The following USH2A variants were observed in gnomAD, a reference collection of about 807,000 sequenced individuals.
The protein encoded by USH2A is Usher syndrome 2A (autosomal recessive, mild).
USH2A carries 443 observed loss-of-function variants against 538.9 expected under a neutral mutation model. That is an observed-to-expected ratio of 0.82 (90% CI 0.76 to 0.89). USH2A has a LOEUF of 0.89. Ranked by LOEUF, USH2A falls within the 40% of genes least tolerant of loss-of-function variation. The pLI is 0.00. For synonymous variants in USH2A, 2,413 were observed against 2,273.5 expected, an observed-to-expected ratio of 1.06 and a Z score of -1.75; for missense variants, 6,633 against 6,324.8, an observed-to-expected ratio of 1.05 and a Z score of -1.65.
chr1:215,825,106 C>T (rs970053338), intron 47 of USH2A, among the ~76,000 whole-genome samples: 6 of 152,140 alleles, frequency 3.9e-5, no homozygotes, highest in Non-Finnish European at 7.4e-5. Context: ...AGTGTTCAGA[C>T]ATTCTAGTTG....
intron 37 of USH2A, among the ~76,000 whole-genome samples, chr1:215,936,295 A>G (rs753191231): frequency 6.6e-6 from 1 of 152,070 alleles, no homozygotes; most frequent in Non-Finnish European, 1.5e-5. Context: ...CTTGCATCGT[A>G]TAGTATACAA....
At chr1:215,811,863 C>T (rs373813374) in intron 49 of USH2A, among the ~76,000 whole-genome samples, 206 of 151,162 alleles carry the variant, frequency 1.4e-3, no homozygotes, top group African/African-American at 4.1e-3. Context: ...CCGGAGATCA[C>T]GCCATTGCAC....
At position 215,976,110 on chromosome 1, in the gene USH2A, A is replaced by G. The variant is rs529556249; in HGVS notation, c.6806-5334T>C. Among the ~76,000 whole-genome samples the G allele has an allele frequency of 7.9e-5, 12 of 152,238 alleles. No individual in the cohort carries two copies. The South Asian group carries it at 2.5e-3, about 32-fold the overall frequency. ...AGATTGCATTCTTGATTTGGCTCTC[A>G]GTTTGAACATTATTGGTGTATAGAA... On this transcript the variant is annotated intron_variant, in intron 35 of 71. Coordinates refer to ENST00000307340, the MANE Select transcript of USH2A (RefSeq NM_206933.4).
chr1:215,781,874 C>T (rs1571681062), intron 54 of USH2A, among the ~76,000 whole-genome samples, 168 bp downstream of exon 54: 1 of 152,258 alleles, frequency 6.6e-6, no homozygotes, highest in East Asian at 1.9e-4. Flanking sequence ...TCTCTCCTTC[C>T]AGCCATAGGT....
At chr1:215,661,825 A>T (rs1047883212) in intron 64 of USH2A, among the ~76,000 whole-genome samples, 12 of 152,194 alleles carry the variant, frequency 7.9e-5, no homozygotes, top group Admixed American at 7.2e-4. Context: ...GTAGAATAAG[A>T]GTGGCCTTTA....
intron 60 of USH2A, among the ~76,000 whole-genome samples, chr1:215,740,395 C>T (rs1226430672): frequency 6.6e-6 from 1 of 152,108 alleles, no homozygotes; most frequent in Non-Finnish European, 1.5e-5. Context: ...CTTTGTCTCT[C>T]TTTTTCCTCA....
chr1:216,363,944 A>T lies in USH2A; in HGVS notation c.784+1009T>A, dbSNP rs142261415. Among the ~76,000 whole-genome samples the T allele has an allele frequency of 3.6e-3, 550 of 151,792 alleles. 2 individuals carry two copies. Among genetic ancestry groups the T allele is most frequent in the Non-Finnish European group, 6.0e-3 (405 of 67,870 alleles). On this transcript the variant is annotated intron_variant, in intron 4 of 71. Transcript: ENST00000307340. ...ACTAAAAATCTGTAGGAGTATAAAA[A>T]AGTTAAATTATATCTATCTCTGAAG...
chr1:215,989,145 A>C (rs1300461400), intron 35 of USH2A, among the ~76,000 whole-genome samples: 21 of 152,350 alleles, frequency 1.4e-4, no homozygotes, highest in Admixed American at 9.8e-4. Context: ...TCATTATAGA[A>C]ATTGAGTTTA....
At chr1:215,772,942 G>A (rs1403894350) in intron 55 of USH2A, among the ~76,000 whole-genome samples, 5 of 152,268 alleles carry the variant, frequency 3.3e-5, no homozygotes, top group Non-Finnish European at 5.9e-5. Flanking sequence ...CCATCCTGCG[G>A]GTAAGTCATC....
chr1:215,998,855 G>A, intron 34 of USH2A, 32 bp downstream of exon 34: 2 of 1,605,750 alleles, frequency 1.2e-6, no homozygotes, highest in Non-Finnish European at 1.7e-6. Context: ...TGGAAGGAAT[G>A]GGGACAGAGA....
At chr1:216,112,712 TAG>T (rs2032905074) in intron 21 of USH2A, among the ~76,000 whole-genome samples, 1 of 152,124 alleles carries the variant, frequency 6.6e-6, no homozygotes, top group Admixed American at 6.6e-5. Flanking sequence ...GTGCAGTATT[TAG>T]ATTTCTGTTC....
At chr1:216,041,076 T>C (rs2030253228) in intron 32 of USH2A, among the ~76,000 whole-genome samples, 1 of 152,062 alleles carries the variant, frequency 6.6e-6, no homozygotes, top group Non-Finnish European at 1.5e-5. Flanking sequence ...AAAACTAGAA[T>C]GTATATACCT....
intron 47 of USH2A, among the ~76,000 whole-genome samples, chr1:215,823,783 G>C (rs1437730739): frequency 6.6e-6 from 1 of 151,460 alleles, no homozygotes; most frequent in Admixed American, 6.6e-5. Flanking sequence ...TCTCAAGTTT[G>C]TTGATGCTTT....
At chr1:215,922,932 A>C (rs931280417) in intron 38 of USH2A, among the ~76,000 whole-genome samples, 5 of 152,070 alleles carry the variant, frequency 3.3e-5, no homozygotes, top group Admixed American at 6.6e-5. Flanking sequence ...AACAGCTCAG[A>C]AGATTGTCAA....
intron 44 of USH2A, among the ~76,000 whole-genome samples, chr1:215,854,728 G>A (rs570839096): frequency 4.6e-5 from 7 of 152,196 alleles, no homozygotes; most frequent in Non-Finnish European, 7.3e-5. Context: ...TGATGGGACT[G>A]TGTGTGCCAT....
chr1:216,171,869 T>C (rs2034281951), intron 21 of USH2A, among the ~76,000 whole-genome samples: 1 of 152,136 alleles, frequency 6.6e-6, no homozygotes. Context: ...CTCATAATAA[T>C]ATACAGAGAG....
At chr1:215,759,639 T>G in intron 57 of USH2A, 21 bp downstream of exon 57, 1 of 1,613,798 alleles carries the variant, frequency 6.2e-7, no homozygotes, top group Non-Finnish European at 8.5e-7. Context: ...GTATGATTGG[T>G]AAAGTTTTCT....
intron 13 of USH2A, among the ~76,000 whole-genome samples, chr1:216,237,285 G>A (rs1572079217): frequency 1.3e-5 from 2 of 152,122 alleles, no homozygotes; most frequent in Admixed American, 6.6e-5. Context: ...CCCAGAATGT[G>A]AAGCAGTAAG....
At chr1:216,240,289 G>C (rs1391793463) in intron 13 of USH2A, among the ~76,000 whole-genome samples, 6 of 152,168 alleles carry the variant, frequency 3.9e-5, no homozygotes, top group Non-Finnish European at 2.9e-5. Context: ...ACTAAAGAAA[G>C]TCTGGACTCA....
Sources: allele counts gnomAD v4.1 joint callset (sites outside exome capture counted in the v4.1 genomes callset), GRCh38; gene constraint gnomAD v4.1.1; transcripts MANE v1.5; gene names NCBI Gene and HGNC (gene_info 2026-07-23, HGNC 2026-07-21).